CNTNAP5: variants seen among roughly 807,000 people sequenced by gnomAD.
CNTNAP5 encodes the protein contactin-associated protein-like 5.
In CNTNAP5, 72 loss-of-function variants were observed where a neutral mutation model predicts 150.2. The observed-to-expected ratio is 0.48, with a 90% confidence interval of 0.40 to 0.58. The LOEUF is 0.58. Among genes scored for constraint, CNTNAP5 ranks in the 20% least tolerant of loss-of-function variants. The probability of loss-of-function intolerance (pLI) is 0.00; values close to 1 mark genes in which losing one functional copy is unlikely to be tolerated. For synonymous variants in CNTNAP5, 672 were observed against 619.8 expected (o/e 1.08, Z -1.25); for missense variants, 1,636 against 1,626.2 (o/e 1.01, Z -0.10).
chr2:124,163,537 C>T (rs1228077922), intron 1 of CNTNAP5, among the ~76,000 whole-genome samples: 1 of 152,106 alleles, frequency 6.6e-6, no homozygotes, highest in Non-Finnish European at 1.5e-5. Flanking sequence ...CAGGGCTCCT[C>T]ATTTTACATG....
In CNTNAP5 at chr2:124,272,956, A is replaced by T. The variant is rs576455643; in HGVS notation, c.381+30563A>T. On this transcript the variant is annotated intron_variant, in intron 3 of 23. Coordinates refer to ENST00000682447, the MANE Select transcript of CNTNAP5 (RefSeq NM_001367498.1). ...GCATGACCCTGTAGGTCATTTCCTC[A>T]AGAATTCTGCTTAGTTCTTGACCCT... Among the ~76,000 whole-genome samples, 6 of 152,286 alleles carry T rather than the reference A, an allele frequency of 3.9e-5. No individual in the cohort carries two copies. The South Asian group carries it at 1.2e-3, about 32-fold the overall frequency.
intron 12 of CNTNAP5, among the ~76,000 whole-genome samples, chr2:124,625,143 G>C (rs1677692688): frequency 6.6e-6 from 1 of 152,104 alleles, no homozygotes; most frequent in Non-Finnish European, 1.5e-5. Flanking sequence ...CCTGTCTCTT[G>C]TTCACAGTCC....
chr2:124,242,104 A>G (rs538740793), intron 2 of CNTNAP5, 96 bp from the exon 3 acceptor site: 1 of 978,884 alleles, frequency 1.0e-6, no homozygotes, highest in Non-Finnish European at 1.5e-6. Context: ...GAGTCATCTT[A>G]GTTGAACACT....
At chr2:124,159,516 T>C (rs897320624) in intron 1 of CNTNAP5, among the ~76,000 whole-genome samples, 4 of 152,186 alleles carry the variant, frequency 2.6e-5, no homozygotes, top group African/African-American at 9.7e-5. Context: ...TTTTAATCAG[T>C]GAAAAGATCA....
At chr2:124,261,481 A>G (rs916780733) in intron 3 of CNTNAP5, among the ~76,000 whole-genome samples, 1 of 152,180 alleles carries the variant, frequency 6.6e-6, no homozygotes, top group African/African-American at 2.4e-5. Context: ...AAAAATATCA[A>G]TAACGATTGA....
intron 13 of CNTNAP5, among the ~76,000 whole-genome samples, chr2:124,727,615 A>G (rs182126449): frequency 1.3e-5 from 2 of 152,046 alleles, no homozygotes; most frequent in Non-Finnish European, 1.5e-5. Flanking sequence ...TTTTCAGACA[A>G]TTCATTGTTC....
At chr2:124,181,656 TA>T in intron 1 of CNTNAP5, among the ~76,000 whole-genome samples, 1 of 152,284 alleles carries the variant, frequency 6.6e-6, no homozygotes, top group African/African-American at 2.4e-5. Context: ...ATCTTCACTG[TA>T]TGTATGTACT....
At chr2:124,135,150 A>C (rs947841305) in intron 1 of CNTNAP5, 1 of 152,246 alleles carries the variant, frequency 6.6e-6, no homozygotes, top group Non-Finnish European at 1.5e-5. Flanking sequence ...AAAGACTCAA[A>C]CACTGTATAA....
intron 10 of CNTNAP5, among the ~76,000 whole-genome samples, chr2:124,542,619 C>T (rs11123051): frequency 0.42 from 63,258 of 151,780 alleles, 13,664 homozygotes; most frequent in East Asian, 0.64. Flanking sequence ...TAGTTCAAAT[C>T]CTACCTACTC....
intron 19 of CNTNAP5, among the ~76,000 whole-genome samples, chr2:124,811,969 A>G (rs1364121379): frequency 8.6e-6 from 1 of 116,168 alleles, no homozygotes; most frequent in Non-Finnish European, 1.7e-5. Flanking sequence ...TATATTTTTT[A>G]TAATATATAT....
chr2:124,238,733 G>A (rs1478582222), intron 2 of CNTNAP5, among the ~76,000 whole-genome samples: 1 of 152,156 alleles, frequency 6.6e-6, no homozygotes, highest in African/African-American at 2.4e-5. Flanking sequence ...TTGTATGTAT[G>A]TTATACCCCC....
chr2:124,838,081 C>G (rs1682866205), intron 19 of CNTNAP5, among the ~76,000 whole-genome samples: 1 of 152,052 alleles, frequency 6.6e-6, no homozygotes, highest in African/African-American at 2.4e-5. Flanking sequence ...TACCTTGATT[C>G]TTTGTAGAAT....
intron 10 of CNTNAP5, among the ~76,000 whole-genome samples, chr2:124,553,429 A>G (rs1695676587): frequency 2.0e-5 from 3 of 151,666 alleles, no homozygotes; most frequent in South Asian, 2.1e-4. Flanking sequence ...GCTTGAACCT[A>G]AGAGGTGGAG....
chr2:124,119,858 G>T (rs1042924338), intron 1 of CNTNAP5, among the ~76,000 whole-genome samples: 1 of 152,128 alleles, frequency 6.6e-6, no homozygotes, highest in Non-Finnish European at 1.5e-5. Flanking sequence ...ACCACTGCAG[G>T]CTCTTTACAT....
intron 12 of CNTNAP5, among the ~76,000 whole-genome samples, chr2:124,638,574 A>G (rs1456495955): frequency 6.6e-6 from 1 of 152,144 alleles, no homozygotes; most frequent in East Asian, 1.9e-4. Flanking sequence ...TTTGATTTTA[A>G]CAGTGTAAAG....
At chr2:124,483,648 A>T (rs981946344) in intron 7 of CNTNAP5, among the ~76,000 whole-genome samples, 2 of 152,224 alleles carry the variant, frequency 1.3e-5, no homozygotes, top group Non-Finnish European at 2.9e-5. Context: ...TCTCAGTTTC[A>T]TAATACCTTT....
At position 124,560,552 on chromosome 2, in the gene CNTNAP5, C is replaced by A. The variant is rs920761586; in HGVS notation, c.1650-2665C>A. 3.4e-5 allele frequency among the ~76,000 whole-genome samples: 5 copies of A among 147,688 alleles called. No individual in the cohort carries two copies. In the South Asian group the frequency reaches 8.6e-4, roughly 26 times the overall value. On this transcript the variant is annotated intron_variant, in intron 10 of 23. Transcript: ENST00000682447. ...AAAAAAAAAACTAAAGTGCAGAAAACGTTTCTTTTTCTTTTTGTAATTACA... is the reference window on the plus strand; with the variant it reads ...AAAAAAAAAACTAAAGTGCAGAAAAAGTTTCTTTTTCTTTTTGTAATTACA...
At chr2:124,619,739 TC>T (rs1322566248) in intron 12 of CNTNAP5, among the ~76,000 whole-genome samples, 1 of 151,112 alleles carries the variant, frequency 6.6e-6, no homozygotes, top group Non-Finnish European at 1.5e-5. Flanking sequence ...TGCAGCTACT[TC>T]CTGGGTCTCT....
intron 3 of CNTNAP5, among the ~76,000 whole-genome samples, chr2:124,243,496 G>T (rs1450181827): frequency 1.3e-5 from 2 of 152,164 alleles, no homozygotes; most frequent in African/African-American, 4.8e-5. Flanking sequence ...ATGGCAGACT[G>T]AATCCTGAGA....
Sources: allele counts gnomAD v4.1 joint callset (sites outside exome capture counted in the v4.1 genomes callset), GRCh38; gene constraint gnomAD v4.1.1; transcripts MANE v1.5; gene names NCBI Gene and HGNC (gene_info 2026-07-23, HGNC 2026-07-21).